Variants in TBC1D5 observed in about 807,000 individuals in gnomAD.
The protein encoded by TBC1D5 is TBC1 domain family member 5.
Under a neutral mutation model 100.3 loss-of-function variants are expected in TBC1D5, and 75 were observed. The ratio of observed to expected loss-of-function variants is 0.75; its 90% CI spans 0.62 to 0.91. TBC1D5 has a LOEUF of 0.91. Among genes scored for constraint, TBC1D5 ranks in the 40% least tolerant of loss-of-function variants. TBC1D5 has a pLI of 0.00. For synonymous variants in TBC1D5, 323 were observed against 325.6 expected, an observed-to-expected ratio of 0.99 and a Z score of 0.09; for missense variants, 910 against 942.4, an observed-to-expected ratio of 0.97 and a Z score of 0.45.
chr3:17,620,505 G>C (rs185288349), intron 2 of TBC1D5, among the ~76,000 whole-genome samples: 15 of 152,230 alleles, frequency 9.9e-5, no homozygotes, highest in Admixed American at 9.2e-4. Flanking sequence ...ACTTATATGA[G>C]GTAATTTCCA....
In TBC1D5 at chr3:17,702,592, C is replaced by T. The variant is rs530169909; in HGVS notation, c.-101+36751G>A. 2.0e-5 allele frequency among the ~76,000 whole-genome samples: 3 copies of T among 152,200 alleles called. No individual in the cohort carries two copies. In the South Asian group the frequency reaches 6.2e-4, roughly 32 times the overall value. ...TCAACAGCTGCTTCTTAGCAGCATTCCCCATCAAATGAAATTGAAAGGACA... is the reference window on the plus strand; with the variant it reads ...TCAACAGCTGCTTCTTAGCAGCATTTCCCATCAAATGAAATTGAAAGGACA... On this transcript the variant is annotated intron_variant, in intron 1 of 21. Transcript: ENST00000253692.
At chr3:17,197,163 C>T (rs896890195) in intron 18 of TBC1D5, among the ~76,000 whole-genome samples, 2 of 152,172 alleles carry the variant, frequency 1.3e-5, no homozygotes, top group African/African-American at 4.8e-5. Context: ...AGCTGCAACC[C>T]TTCCAATGTC....
At chr3:17,468,216 A>G (rs1296795608) in intron 3 of TBC1D5, among the ~76,000 whole-genome samples, 1 of 152,190 alleles carries the variant, frequency 6.6e-6, no homozygotes, top group Non-Finnish European at 1.5e-5. Context: ...ATTAGAAAGG[A>G]TAAAATGATT....
At chr3:17,675,743 GA>G (rs149366402) in intron 1 of TBC1D5, among the ~76,000 whole-genome samples, 4,524 of 152,210 alleles carry the variant, frequency 0.03, 63 homozygotes, top group Middle Eastern at 0.068. Context: ...GAGTGACAAA[GA>G]TTTTTTTAAC....
Position 17,732,724 on chromosome 3 carries a change from T to A in TBC1D5, c.-101+6619A>T, listed in dbSNP as rs533701521. 6.0e-5 allele frequency among the ~76,000 whole-genome samples: 9 copies of A among 150,338 alleles called. No individual in the cohort carries two copies. The South Asian group carries it at 1.1e-3, about 18-fold the overall frequency. ...AGAGCGAGGCTCCGTCTCAAAAAAA[T>A]AAATAAATAAATAAATAAATAAAAT... On this transcript the variant is annotated intron_variant, in intron 1 of 21. Coordinates refer to ENST00000253692, the Ensembl canonical transcript of TBC1D5.
intron 18 of TBC1D5, among the ~76,000 whole-genome samples, chr3:17,207,584 G>A (rs1445148415): frequency 2.0e-5 from 3 of 152,122 alleles, no homozygotes; most frequent in African/African-American, 7.2e-5. Context: ...TTCATTATAT[G>A]GCCAAATCAT....
intron 17 of TBC1D5, among the ~76,000 whole-genome samples, chr3:17,230,150 T>C (rs2075288758): frequency 6.6e-6 from 1 of 152,154 alleles, no homozygotes; most frequent in South Asian, 2.1e-4. Flanking sequence ...TTTTTTTTGG[T>C]ATCTTCCCTC....
intron 13 of TBC1D5, among the ~76,000 whole-genome samples, chr3:17,355,718 G>A (rs1407493162): frequency 1.3e-5 from 2 of 150,960 alleles, no homozygotes; most frequent in South Asian, 4.2e-4. Flanking sequence ...TTTTTTTTTG[G>A]TTTTTATTTC....
intron 2 of TBC1D5, among the ~76,000 whole-genome samples, chr3:17,616,674 GC>G (rs2062191235): frequency 6.6e-6 from 1 of 152,076 alleles, no homozygotes; most frequent in South Asian, 2.1e-4. Flanking sequence ...ATCTTTATTG[GC>G]TTATAGTCTG....
intron 3 of TBC1D5, among the ~76,000 whole-genome samples, chr3:17,492,601 A>T (rs1270515936): frequency 6.6e-6 from 1 of 151,964 alleles, no homozygotes; most frequent in East Asian, 1.9e-4. Context: ...GGTCTGGTTA[A>T]TTTTTGTCTT....
intron 1 of TBC1D5, among the ~76,000 whole-genome samples, chr3:17,626,668 T>G (rs746892762): frequency 1.3e-5 from 2 of 151,904 alleles, no homozygotes; most frequent in African/African-American, 2.4e-5. Context: ...GAGCTGCAAG[T>G]TGGAAAAAAG....
chr3:17,530,294 A>G (rs957543245), intron 2 of TBC1D5, among the ~76,000 whole-genome samples: 3 of 151,982 alleles, frequency 2.0e-5, no homozygotes, highest in Non-Finnish European at 2.9e-5. Flanking sequence ...AAAATGCGTA[A>G]TTCAACAGCA....
intron 2 of TBC1D5, among the ~76,000 whole-genome samples, chr3:17,534,893 G>A (rs1005598220): frequency 6.6e-6 from 1 of 152,160 alleles, no homozygotes; most frequent in African/African-American, 2.4e-5. Context: ...TAAAGACCCA[G>A]GGTGGTTGTT....
chr3:17,730,636 T>A (rs1279238768), intron 1 of TBC1D5, among the ~76,000 whole-genome samples: 1 of 152,064 alleles, frequency 6.6e-6, no homozygotes, highest in Non-Finnish European at 1.5e-5. Context: ...CCTCAATGAG[T>A]CCTACAAAAA....
chr3:17,419,542 A>G (rs1357882290), intron 4 of TBC1D5, among the ~76,000 whole-genome samples: 1 of 152,194 alleles, frequency 6.6e-6, no homozygotes, highest in African/African-American at 2.4e-5. Context: ...AGAGTGGAAA[A>G]TGAAGACCAT....
chr3:17,718,939 A>G (rs187896213), intron 1 of TBC1D5, among the ~76,000 whole-genome samples: 190 of 152,338 alleles, frequency 1.2e-3, no homozygotes, highest in Middle Eastern at 3.4e-3. Flanking sequence ...CTACATACCG[A>G]AAACACACAA....
intron 13 of TBC1D5, among the ~76,000 whole-genome samples, chr3:17,331,293 A>AC (rs1393569485): frequency 2.6e-5 from 4 of 152,228 alleles, no homozygotes; most frequent in African/African-American, 9.6e-5. Flanking sequence ...ACTCGTTCTT[A>AC]ATCTCCATTT....
At chr3:17,728,756 A>T (rs953284452) in intron 1 of TBC1D5, among the ~76,000 whole-genome samples, 1 of 152,184 alleles carries the variant, frequency 6.6e-6, no homozygotes, top group African/African-American at 2.4e-5. Context: ...TATACATAAA[A>T]ATATGAAACC....
At chr3:17,433,100 G>T (rs554515311) in intron 3 of TBC1D5, among the ~76,000 whole-genome samples, 1 of 152,090 alleles carries the variant, frequency 6.6e-6, no homozygotes, top group African/African-American at 2.4e-5. Context: ...TGGGAGTCTG[G>T]TACTTAGTTC....
Sources: allele counts gnomAD v4.1 joint callset (sites outside exome capture counted in the v4.1 genomes callset), GRCh38; gene constraint gnomAD v4.1.1; transcripts MANE v1.5; gene names NCBI Gene and HGNC (gene_info 2026-07-23, HGNC 2026-07-21).